Variants in FRMD4A observed in about 807,000 individuals in gnomAD.
FRMD4A encodes the protein FERM domain-containing protein 4A.
A neutral mutation model predicts 129.1 loss-of-function variants in FRMD4A; 29 were observed. That is an observed-to-expected ratio of 0.22 (90% confidence interval 0.17 to 0.31). The LOEUF (loss-of-function observed/expected upper bound fraction) is 0.31, where lower values mean the gene tolerates loss of function less well. Ranked by LOEUF, FRMD4A falls within the 10% of genes least tolerant of loss-of-function variation. The pLI is 1.00. For missense variants in FRMD4A, 1,272 were observed against 1,375.8 expected (o/e 0.92, Z 1.19); for synonymous variants, 634 against 571.6 (o/e 1.11, Z -1.56).
At chr10:13,696,589 CA>C (rs537665572) in intron 14 of FRMD4A, among the ~76,000 whole-genome samples, 223 of 152,254 alleles carry the variant, frequency 1.5e-3, no homozygotes, top group African/African-American at 5.1e-3. Flanking sequence ...ACTAAAAATA[CA>C]AAAATTAGAC....
intron 2 of FRMD4A, among the ~76,000 whole-genome samples, chr10:14,053,447 GC>G (rs1834359208): frequency 6.6e-6 from 1 of 152,136 alleles, no homozygotes; most frequent in Non-Finnish European, 1.5e-5. Flanking sequence ...TATCAGCACA[GC>G]CCAGCCCTGC....
chr10:13,833,974 C>T (rs1235849913), intron 3 of FRMD4A, among the ~76,000 whole-genome samples: 2 of 152,022 alleles, frequency 1.3e-5, no homozygotes, highest in African/African-American at 4.8e-5. Flanking sequence ...AAACACCAAG[C>T]AGGCCAGGCG....
chr10:14,174,891 G>GTGTC lies in FRMD4A; in HGVS notation c.45+155166_45+155167insGACA, dbSNP rs1841657755. 2.7e-5 allele frequency among the ~76,000 whole-genome samples: 4 copies of GTGTC among 149,766 alleles called. No individual in the cohort carries two copies. The South Asian group carries it at 8.5e-4, about 32-fold the overall frequency. On this transcript the variant is annotated intron_variant, in intron 2 of 24. Coordinates refer to ENST00000357447, the MANE Select transcript of FRMD4A (RefSeq NM_018027.5). Reference sequence around the variant, plus strand: ...AGTGTGTGTGTGTCTGTGTGTGTGTGTGTGTGTGTGTGTGTGTGTGTGTGT... The same window carrying GTGTC: ...AGTGTGTGTGTGTCTGTGTGTGTGTGTGTCTGTGTGTGTGTGTGTGTGTGTGTGT...
chr10:13,859,007 C>G (rs1306138443), intron 2 of FRMD4A, 95 bp from the exon 3 acceptor site: 1 of 776,176 alleles, frequency 1.3e-6, no homozygotes, highest in Non-Finnish European at 2.3e-6. Flanking sequence ...GCATATTCCT[C>G]TGGGCAAAAC....
chr10:14,104,857 C>T (rs942313276), intron 2 of FRMD4A, among the ~76,000 whole-genome samples: 1 of 152,224 alleles, frequency 6.6e-6, no homozygotes, highest in South Asian at 2.1e-4. Flanking sequence ...AGAGCAGCTG[C>T]CTTTGAAAGA....
chr10:14,013,405 T>G (rs530751382), intron 2 of FRMD4A, among the ~76,000 whole-genome samples: 1 of 152,034 alleles, frequency 6.6e-6, no homozygotes, highest in African/African-American at 2.4e-5. Context: ...AGAAGCAGGT[T>G]TGAAATCCCT....
chr10:13,724,617 C>T (rs987329769), intron 12 of FRMD4A, among the ~76,000 whole-genome samples: 34 of 152,168 alleles, frequency 2.2e-4, no homozygotes, highest in African/African-American at 4.1e-4. Context: ...CCAAGGTCAA[C>T]GGGGCTCCCT....
At chr10:13,936,960 C>T (rs1442983391) in intron 2 of FRMD4A, among the ~76,000 whole-genome samples, 1 of 152,142 alleles carries the variant, frequency 6.6e-6, no homozygotes, top group East Asian at 1.9e-4. Flanking sequence ...GCTTCTGATC[C>T]ACTTACTAGA....
At chr10:13,867,797 TA>T (rs1198430081) in intron 2 of FRMD4A, among the ~76,000 whole-genome samples, 1 of 133,862 alleles carries the variant, frequency 7.5e-6, no homozygotes, top group Non-Finnish European at 1.5e-5. Flanking sequence ...TATAATATAA[TA>T]TATAATAAAT....
At chr10:13,678,599 TGCGCAC>T (rs1394733103) in intron 15 of FRMD4A, among the ~76,000 whole-genome samples, 3 of 152,242 alleles carry the variant, frequency 2.0e-5, no homozygotes, top group Non-Finnish European at 4.4e-5. Context: ...TGAGCATGTG[TGCGCAC>T]GCGCACGCAC....
At chr10:13,723,853 C>T (rs548032855) in intron 12 of FRMD4A, among the ~76,000 whole-genome samples, 2 of 152,258 alleles carry the variant, frequency 1.3e-5, no homozygotes, top group Admixed American at 6.5e-5. Context: ...TGACATCAGA[C>T]GAACTGAAGC....
chr10:14,098,091 A>T (rs1217880365), intron 2 of FRMD4A, among the ~76,000 whole-genome samples: 2 of 144,482 alleles, frequency 1.4e-5, no homozygotes, highest in Non-Finnish European at 3.0e-5. Context: ...TATATTATAT[A>T]AATTATAGAT....
intron 2 of FRMD4A, among the ~76,000 whole-genome samples, chr10:13,956,388 G>A (rs1336667735): frequency 1.3e-5 from 2 of 152,226 alleles, no homozygotes; most frequent in Non-Finnish European, 2.9e-5. Context: ...CTGACCTCAA[G>A]TGATCAGCCT....
chr10:14,241,945 C>T (rs778612734), intron 2 of FRMD4A, among the ~76,000 whole-genome samples: 13 of 152,038 alleles, frequency 8.6e-5, no homozygotes, highest in Non-Finnish European at 1.9e-4. Context: ...GTATCACCAC[C>T]AAGCTGCTTT....
At chr10:13,664,986 G>A (rs573453976) in intron 18 of FRMD4A, among the ~76,000 whole-genome samples, 172 of 152,194 alleles carry the variant, frequency 1.1e-3, no homozygotes, top group African/African-American at 3.8e-3. Context: ...AGGTTCAAGC[G>A]ATTCTCCTGC....
intron 2 of FRMD4A, among the ~76,000 whole-genome samples, chr10:13,927,118 G>T (rs367586998): frequency 6.6e-6 from 1 of 152,138 alleles, no homozygotes; most frequent in Admixed American, 6.5e-5. Flanking sequence ...TTAGCTGGGC[G>T]TGGTGGCACA....
intron 12 of FRMD4A, among the ~76,000 whole-genome samples, chr10:13,715,247 T>G (rs1037406019): frequency 2.6e-5 from 4 of 152,102 alleles, no homozygotes; most frequent in Non-Finnish European, 4.4e-5. Context: ...CATCTTAGCT[T>G]CGTCCTCTCT....
chr10:13,718,366 G>A (rs1439363214), intron 12 of FRMD4A, among the ~76,000 whole-genome samples: 1 of 152,258 alleles, frequency 6.6e-6, no homozygotes, highest in Non-Finnish European at 1.5e-5. Flanking sequence ...GCAGAGATAG[G>A]AGGCGGTGGG....
intron 2 of FRMD4A, among the ~76,000 whole-genome samples, chr10:13,897,968 G>A (rs1223349227): frequency 6.7e-6 from 1 of 148,760 alleles, no homozygotes; most frequent in Non-Finnish European, 1.5e-5. Context: ...TAAGATATGT[G>A]TCTTAGGCAC....
Sources: gnomAD v4.1 joint callset for allele counts (sites outside exome capture counted in the v4.1 genomes callset) on GRCh38, gnomAD v4.1.1 for gene constraint, MANE v1.5 for transcripts, NCBI Gene and HGNC (gene_info 2026-07-23, HGNC 2026-07-21) for gene names.